Variants in HEMK2 observed in about 807,000 individuals in gnomAD.
HEMK2 encodes the protein HemK methyltransferase 2, ETF1 glutamine and histone H4 lysine.
chr21:28,663,609 C>T, the HEMK2 span, among the ~76,000 whole-genome samples: 1 of 152,214 alleles, frequency 6.6e-6, no homozygotes, highest in Non-Finnish European at 1.5e-5. Flanking sequence ...TAGGTGCCAA[C>T]TTTAATTTTA....
At chr21:28,740,930 A>AT in the HEMK2 span, among the ~76,000 whole-genome samples, 1 of 151,956 alleles carries the variant, frequency 6.6e-6, no homozygotes, top group African/African-American at 2.4e-5. Flanking sequence ...TATGTAATGC[A>AT]TTTTTTTGGA....
the HEMK2 span, among the ~76,000 whole-genome samples, chr21:28,748,641 T>C: frequency 6.6e-6 from 1 of 152,170 alleles, no homozygotes; most frequent in Non-Finnish European, 1.5e-5. Flanking sequence ...AAAGCATACA[T>C]GAACAGGAAA....
chr21:28,787,101 A>G, the HEMK2 span, among the ~76,000 whole-genome samples: 760 of 152,332 alleles, frequency 5.0e-3, 5 homozygotes, highest in African/African-American at 0.017. Context: ...AAACAAAATC[A>G]TAAAGTGGGG....
At chr21:28,863,407 C>CTTTTT in the HEMK2 span, among the ~76,000 whole-genome samples, 2 of 66,466 alleles carry the variant, frequency 3.0e-5, no homozygotes, top group Admixed American at 2.3e-4. Context: ...AATAAACTCC[C>CTTTTT]TTTTATATAT....
chr21:28,647,508 CAAAAA>C, the HEMK2 span, among the ~76,000 whole-genome samples: 2 of 111,866 alleles, frequency 1.8e-5, no homozygotes, highest in South Asian at 3.4e-4. Flanking sequence ...AACTCCATCT[CAAAAA>C]AAAAAAAAAA....
chr21:28,885,232 T>C, the HEMK2 span: 1 of 1,586,374 alleles, frequency 6.3e-7, no homozygotes, highest in Non-Finnish European at 8.6e-7. Context: ...CGGCAGCCGC[T>C]GCCTCCAGCG....
chr21:28,806,442 A>C, the HEMK2 span, among the ~76,000 whole-genome samples: 1 of 152,194 alleles, frequency 6.6e-6, no homozygotes, highest in African/African-American at 2.4e-5. Context: ...CTCTCAAAAA[A>C]AATATGTTGA....
chr21:28,796,624 G>C, the HEMK2 span, among the ~76,000 whole-genome samples: 1 of 152,168 alleles, frequency 6.6e-6, no homozygotes, highest in Non-Finnish European at 1.5e-5. Context: ...GAGTGCAGTG[G>C]TGCAATCACA....
At chr21:28,674,968 T>C in the HEMK2 span, 10 of 152,332 alleles carry the variant, frequency 6.6e-5, no homozygotes, top group East Asian at 5.8e-4. Flanking sequence ...ACTATTGAAT[T>C]GGGAGTTAGG....
chr21:28,676,930 G>A, the HEMK2 span, among the ~76,000 whole-genome samples: 2 of 152,222 alleles, frequency 1.3e-5, no homozygotes, highest in Non-Finnish European at 2.9e-5. Flanking sequence ...AGCCAAGATG[G>A]CCGAATAGGA....
chr21:28,807,077 A>G, the HEMK2 span, among the ~76,000 whole-genome samples: 10 of 152,186 alleles, frequency 6.6e-5, no homozygotes, highest in African/African-American at 2.4e-4. Context: ...TTTAAATGCC[A>G]TTTATATCAT....
the HEMK2 span, among the ~76,000 whole-genome samples, chr21:28,691,009 T>G: frequency 5.6e-4 from 85 of 152,336 alleles, 1 homozygote; most frequent in Non-Finnish European, 1.0e-3. Flanking sequence ...CAATCTCAGA[T>G]TGCATCCCTT....
At chr21:28,790,994 G>C in the HEMK2 span, among the ~76,000 whole-genome samples, 3 of 151,942 alleles carry the variant, frequency 2.0e-5, no homozygotes, top group Non-Finnish European at 4.4e-5. Context: ...ATAAAAAAAA[G>C]AATATTTTGC....
chr21:28,719,930 C>T, the HEMK2 span, among the ~76,000 whole-genome samples: 1 of 152,310 alleles, frequency 6.6e-6, no homozygotes, highest in African/African-American at 2.4e-5. Context: ...CATATATTCC[C>T]AGCTGAGGTT....
At chr21:28,824,425 T>G in the HEMK2 span, among the ~76,000 whole-genome samples, 1 of 152,234 alleles carries the variant, frequency 6.6e-6, no homozygotes, top group Non-Finnish European at 1.5e-5. Flanking sequence ...GAGTTTGTTA[T>G]TGTTTTAAAA....
the HEMK2 span, among the ~76,000 whole-genome samples, chr21:28,711,763 G>A: frequency 6.6e-6 from 1 of 152,266 alleles, no homozygotes; most frequent in Admixed American, 6.5e-5. Flanking sequence ...AGTGTTTAGA[G>A]GATATCCTAG....
chr21:28,604,159 T>C, the HEMK2 span, among the ~76,000 whole-genome samples: 18 of 152,190 alleles, frequency 1.2e-4, no homozygotes, highest in Non-Finnish European at 2.2e-4. Flanking sequence ...AGAATCGGTG[T>C]TTAGACCCTC....
chr21:28,672,693 T>C, the HEMK2 span, among the ~76,000 whole-genome samples: 1 of 152,170 alleles, frequency 6.6e-6, no homozygotes, highest in Non-Finnish European at 1.5e-5. Flanking sequence ...GCTGTATTAG[T>C]AGGCTATCCA....
the HEMK2 span, among the ~76,000 whole-genome samples, chr21:28,864,906 T>TA: frequency 1.2e-5 from 1 of 80,844 alleles, no homozygotes; most frequent in Non-Finnish European, 2.7e-5. Context: ...TAGATATAGA[T>TA]AGATGATATA....
Sources: gnomAD v4.1 joint callset for allele counts (sites outside exome capture counted in the v4.1 genomes callset) on GRCh38, gnomAD v4.1.1 for gene constraint, MANE v1.5 for transcripts, NCBI Gene and HGNC (gene_info 2026-07-23, HGNC 2026-07-21) for gene names.